The following APTX variants were observed in gnomAD, a reference collection of about 807,000 sequenced individuals.
APTX encodes the protein aprataxin.
APTX carries 33 observed loss-of-function variants against 42.3 expected under a neutral mutation model. That is an observed-to-expected ratio of 0.78 (90% confidence interval 0.59 to 1.04). APTX has a LOEUF of 1.04. Ranked by LOEUF, APTX falls within the 50% of genes least tolerant of loss-of-function variation. The pLI is 0.00. For missense variants in APTX, 421 were observed against 415.1 expected, an observed-to-expected ratio of 1.01 and a Z score of -0.12; for synonymous variants, 130 against 146.7, an observed-to-expected ratio of 0.89 and a Z score of 0.82.
In APTX at chr9:32,987,805, C is replaced by G. The variant is rs202181189; in HGVS notation, c.222G>C (p.Gly74=). The G allele has an allele frequency of 1.9e-6, 3 of 1,613,962 alleles. No homozygotes were observed. Among genetic ancestry groups the G allele is most frequent in the Non-Finnish European group, 2.5e-6 (3 of 1,180,038 alleles). ...NPTSIDSVVI[G]KDQEVKLQPG... is the part of the protein sequence containing the mutation. ...GCTGCAGCTTCACCTCTTGGTCCTT[C>G]CCAATTACGACTGAGTCAATGCTGG... The change falls in exon 4 of 8, where the codon GGG becomes GGC. Residue 74 remains glycine (G), a synonymous_variant. Transcript: ENST00000379817.
At chr9:33,009,319 C>T (rs1837369688) in intron 1 of APTX, among the ~76,000 whole-genome samples, 1 of 152,156 alleles carries the variant, frequency 6.6e-6, no homozygotes, top group African/African-American at 2.4e-5. Context: ...CCTGCCTTGC[C>T]TTCCACCACC....
At position 33,001,549 on chromosome 9, in the gene APTX, G is replaced by A. The variant is rs777090343; in HGVS notation, c.-5+18C>T. On this transcript the variant is annotated intron_variant, in intron 1 of 7. Coordinates refer to ENST00000379817, the MANE Select transcript of APTX (RefSeq NM_001195248.2). Reference sequence around the variant, plus strand: ...TTGAGCCCAGCCAGCAGAAGAGATAGGCTGACGACCGCCTTACCTCCAGAA... The same window carrying A: ...TTGAGCCCAGCCAGCAGAAGAGATAAGCTGACGACCGCCTTACCTCCAGAA... The A allele has an allele frequency of 3.0e-5, 49 of 1,613,612 alleles. No homozygotes were observed. Among genetic ancestry groups the A allele is most frequent in the Non-Finnish European group, 3.8e-5 (45 of 1,180,030 alleles).
intron 6 of APTX, chr9:32,979,698 C>A: frequency 6.1e-6 from 1 of 163,060 alleles, no homozygotes; most frequent in South Asian, 1.6e-4. Flanking sequence ...CTTCTTTGGT[C>A]AAGTTTTTCC....
At chr9:32,982,148 G>T (rs969614867) in intron 6 of APTX, among the ~76,000 whole-genome samples, 1 of 152,044 alleles carries the variant, frequency 6.6e-6, no homozygotes, top group Non-Finnish European at 1.5e-5. Context: ...TATCACTTCA[G>T]TGATTAAAAA....
chr9:33,023,065 G>A (rs1023735116), intron 1 of APTX, among the ~76,000 whole-genome samples: 1 of 152,134 alleles, frequency 6.6e-6, no homozygotes, highest in Non-Finnish European at 1.5e-5. Flanking sequence ...CGGGACTCAA[G>A]GGATCCGCCT....
intron 1 of APTX, among the ~76,000 whole-genome samples, chr9:33,008,594 C>T (rs1837323959): frequency 6.6e-6 from 1 of 151,308 alleles, no homozygotes; most frequent in Non-Finnish European, 1.5e-5. Context: ...CTCTGTCACC[C>T]AGGCTGGAGT....
intron 7 of APTX, 97 bp from the exon 8 acceptor site, chr9:32,973,749 C>T (rs1427041479): frequency 1.2e-5 from 18 of 1,486,980 alleles, no homozygotes; most frequent in Non-Finnish European, 1.4e-5. Flanking sequence ...TGACTCCAAT[C>T]AGTATGCCAG....
chr9:33,013,494 T>C (rs140153102), intron 1 of APTX, among the ~76,000 whole-genome samples: 200 of 152,294 alleles, frequency 1.3e-3, no homozygotes, highest in African/African-American at 4.5e-3. Flanking sequence ...GACAACATCA[T>C]GACTAGGCAG....
intron 1 of APTX, among the ~76,000 whole-genome samples, chr9:32,991,072 A>G (rs1833498749): frequency 6.6e-6 from 1 of 152,052 alleles, no homozygotes; most frequent in Non-Finnish European, 1.5e-5. Flanking sequence ...GATTATGGGC[A>G]TGTGTCACCA....
chr9:33,024,873 G>C (rs1352703087), intron 1 of APTX: 2 of 93,206 alleles, frequency 2.1e-5, no homozygotes, highest in African/African-American at 3.8e-5. Flanking sequence ...GGGGGGGGGG[G>C]GGGGCAAGAC....
intron 1 of APTX, chr9:33,020,026 C>CCGCTGG: frequency 2.5e-6 from 1 of 401,308 alleles, no homozygotes; most frequent in Non-Finnish European, 4.5e-6. Flanking sequence ...TGGGGGAGCT[C>CCGCTGG]CGCTGGCCGG....
At chr9:33,014,354 C>CA (rs1438333465) in intron 1 of APTX, among the ~76,000 whole-genome samples, 3 of 152,214 alleles carry the variant, frequency 2.0e-5, no homozygotes, top group Admixed American at 6.5e-5. Context: ...AAATTTAACA[C>CA]AAAAATATCT....
intron 1 of APTX, among the ~76,000 whole-genome samples, chr9:33,010,845 G>T (rs935840576): frequency 6.6e-6 from 1 of 151,874 alleles, no homozygotes; most frequent in Non-Finnish European, 1.5e-5. Flanking sequence ...GTGGGATATA[G>T]AAAGTGGTGA....
intron 2 of APTX, 77 bp from the exon 3 acceptor site, chr9:32,988,206 CA>C: frequency 7.5e-7 from 1 of 1,339,532 alleles, no homozygotes; most frequent in Non-Finnish European, 1.1e-6. Flanking sequence ...CTAAAGAAAA[CA>C]AGCTTCACTA....
intron 1 of APTX, among the ~76,000 whole-genome samples, chr9:33,013,789 G>C (rs571774065): frequency 6.6e-6 from 1 of 152,322 alleles, no homozygotes; most frequent in African/African-American, 2.4e-5. Context: ...GGGCGACGGT[G>C]CAAGACTCCG....
intron 1 of APTX, among the ~76,000 whole-genome samples, chr9:33,014,544 CA>C (rs1194942029): frequency 7.5e-6 from 1 of 133,504 alleles, no homozygotes; most frequent in African/African-American, 2.5e-5. Context: ...ACATCCTTAA[CA>C]AAAGGATGCA....
intron 1 of APTX, among the ~76,000 whole-genome samples, chr9:33,017,532 T>C (rs79917094): frequency 0.042 from 5,944 of 140,902 alleles, 343 homozygotes; most frequent in African/African-American, 0.14. Context: ...AGGCCCCATC[T>C]CTGAATACCA....
At chr9:33,006,080 TG>T (rs1837116201), upstream of APTX, among the ~76,000 whole-genome samples, 1 of 152,038 alleles carries the variant, frequency 6.6e-6, no homozygotes. Context: ...TTTGTTTGTT[TG>T]TTTGTTTGTT....
At chr9:32,999,522 T>C (rs772307870) in intron 1 of APTX, among the ~76,000 whole-genome samples, 2 of 152,122 alleles carry the variant, frequency 1.3e-5, no homozygotes, top group Non-Finnish European at 2.9e-5. Flanking sequence ...GCATAAAATA[T>C]CAGAAGCAAA....
Sources: allele counts gnomAD v4.1 joint callset (sites outside exome capture counted in the v4.1 genomes callset), GRCh38; gene constraint gnomAD v4.1.1; transcripts MANE v1.5; gene names NCBI Gene and HGNC (gene_info 2026-07-23, HGNC 2026-07-21).